Variants in SMYD3 observed in about 807,000 individuals in gnomAD.
The protein encoded by SMYD3 is histone-lysine N-methyltransferase SMYD3.
SMYD3 carries 36 observed loss-of-function variants against 57.7 expected under a neutral mutation model. The observed-to-expected ratio is 0.62, with a 90% confidence interval of 0.48 to 0.82. The LOEUF is 0.82. Ranked by LOEUF, SMYD3 falls within the 40% of genes least tolerant of loss-of-function variation. SMYD3 has a pLI of 0.00. For missense variants in SMYD3, 515 were observed against 538.8 expected, an observed-to-expected ratio of 0.96 and a Z score of 0.44; for synonymous variants, 211 against 195.0, an observed-to-expected ratio of 1.08 and a Z score of -0.68.
At chr1:246,243,421 TGAAGAA>T (rs2063650371) in intron 5 of SMYD3, among the ~76,000 whole-genome samples, 1 of 147,956 alleles carries the variant, frequency 6.8e-6, no homozygotes, top group Admixed American at 6.9e-5. Flanking sequence ...CCTTTCTATC[TGAAGAA>T]TTATAAGGCT....
At chr1:245,812,813 G>A (rs1354212862) in intron 10 of SMYD3, among the ~76,000 whole-genome samples, 2 of 151,780 alleles carry the variant, frequency 1.3e-5, no homozygotes, top group African/African-American at 4.8e-5. Flanking sequence ...TGGGAGGGAA[G>A]GCTTCATCAT....
intron 10 of SMYD3, among the ~76,000 whole-genome samples, chr1:245,838,082 C>A (rs207461391): frequency 6.6e-6 from 1 of 152,120 alleles, no homozygotes; most frequent in Admixed American, 6.5e-5. Flanking sequence ...GGCCATGAAA[C>A]AACATGAGAT....
At chr1:246,078,957 T>C (rs1181825297) in intron 5 of SMYD3, among the ~76,000 whole-genome samples, 1 of 152,148 alleles carries the variant, frequency 6.6e-6, no homozygotes, top group Non-Finnish European at 1.5e-5. Context: ...GAGGTTATAG[T>C]TTAGCAGAAG....
chr1:245,833,073 A>AAAAAAAAACAAAAAAAAACACAAC, intron 10 of SMYD3, among the ~76,000 whole-genome samples: 1 of 128,652 alleles, frequency 7.8e-6, no homozygotes, highest in African/African-American at 3.0e-5. Flanking sequence ...AAAAAAAAAA[A>AAAAAAAAACAAAAAAAAACACAAC]AACCTGCTTT....
At chr1:245,992,340 C>A (rs1261697740) in intron 5 of SMYD3, among the ~76,000 whole-genome samples, 1 of 152,272 alleles carries the variant, frequency 6.6e-6, no homozygotes, top group Non-Finnish European at 1.5e-5. Flanking sequence ...CACACACCAA[C>A]TGTGATGCAG....
rs200338008 is a variant in SMYD3, at chr1:246,018,768, CT to C, written c.532-88832del. The stretch of plus-strand genomic sequence containing the variant: ...CCACAGGTGTGCACCACCATGCTGG[CT>C]TTTTTTTTTTTTTCCTGTAGAGATG... On this transcript the variant is annotated intron_variant, in intron 5 of 11. Coordinates refer to ENST00000490107, the MANE Select transcript of SMYD3 (RefSeq NM_001167740.2). Among the ~76,000 whole-genome samples, 629 of 141,078 alleles carry C rather than the reference CT, an allele frequency of 4.5e-3. 4 individuals are homozygous for C. The highest frequency in any genetic ancestry group is 8.5e-3 in the African/African-American group (327 of 38,646). 92.6% of individuals were successfully genotyped at this position (141,078 alleles called of 152,430 possible).
chr1:246,177,930 G>A (rs2062461745), intron 5 of SMYD3, among the ~76,000 whole-genome samples: 1 of 152,144 alleles, frequency 6.6e-6, no homozygotes, highest in South Asian at 2.1e-4. Flanking sequence ...TTAGGGAGGT[G>A]CTACTCTCTT....
intron 5 of SMYD3, among the ~76,000 whole-genome samples, chr1:245,985,314 T>C (rs1034111081): frequency 1.3e-5 from 2 of 152,210 alleles, no homozygotes; most frequent in African/African-American, 4.8e-5. Context: ...TAGACTTCTC[T>C]TCTAAACTTC....
intron 10 of SMYD3, among the ~76,000 whole-genome samples, chr1:245,855,809 G>A (rs2051209916): frequency 6.6e-6 from 1 of 152,182 alleles, no homozygotes; most frequent in South Asian, 2.1e-4. Context: ...CTCCTCTAAG[G>A]TCAGCAATTA....
intron 5 of SMYD3, among the ~76,000 whole-genome samples, chr1:246,252,987 T>A (rs2063820316): frequency 6.6e-6 from 1 of 152,218 alleles, no homozygotes; most frequent in Non-Finnish European, 1.5e-5. Context: ...ATGGCAATAC[T>A]CAACCAAACA....
intron 5 of SMYD3, among the ~76,000 whole-genome samples, chr1:246,093,790 T>C (rs955936616): frequency 6.6e-6 from 1 of 152,160 alleles, no homozygotes; most frequent in Admixed American, 6.6e-5. Context: ...GAAATTCTAT[T>C]AGCAGAAGAT....
intron 10 of SMYD3, among the ~76,000 whole-genome samples, chr1:245,768,849 C>G (rs1199263037): frequency 6.6e-6 from 1 of 151,960 alleles, no homozygotes; most frequent in East Asian, 1.9e-4. Flanking sequence ...GCACCTTCAT[C>G]TTGGATTTCA....
At chr1:246,209,972 C>T (rs989835354) in intron 5 of SMYD3, among the ~76,000 whole-genome samples, 6 of 152,176 alleles carry the variant, frequency 3.9e-5, no homozygotes, top group Admixed American at 2.6e-4. Flanking sequence ...TATCTGGTAA[C>T]TCTGTCAAAT....
intron 5 of SMYD3, among the ~76,000 whole-genome samples, chr1:245,958,789 C>T (rs1237876717): frequency 6.6e-6 from 1 of 152,194 alleles, no homozygotes; most frequent in Admixed American, 6.5e-5. Flanking sequence ...AGAACTGGGA[C>T]AGAAATCAAA....
At chr1:246,017,150 C>T (rs185837526) in intron 5 of SMYD3, among the ~76,000 whole-genome samples, 9 of 152,226 alleles carry the variant, frequency 5.9e-5, no homozygotes, top group African/African-American at 1.7e-4. Context: ...GCACTGCCAC[C>T]ATTAATTTTT....
intron 1 of SMYD3, among the ~76,000 whole-genome samples, chr1:246,462,297 G>A (rs1272228595): frequency 6.8e-6 from 1 of 147,356 alleles, no homozygotes; most frequent in Non-Finnish European, 1.5e-5. Flanking sequence ...GCATCCTCTC[G>A]CGGGGCCTGC....
At position 245,858,659 on chromosome 1, in the gene SMYD3, C is replaced by A. The variant is rs1047652872; in HGVS notation, c.913G>T (p.Val305Phe). 6.2e-7 allele frequency: 1 copy of A among 1,613,714 alleles called. No individual in the cohort carries two copies. Among genetic ancestry groups the A allele is most frequent in the Non-Finnish European group, 8.5e-7 (1 of 1,179,892 alleles). The change falls in exon 10 of 12, where the codon GTT becomes TTT. Residue 305 changes from valine (V) to phenylalanine (F), a missense_variant. By Grantham distance (50) the Val-to-Phe change is conservative. Transcript: ENST00000490107. Reference protein sequence around the residue: ...ELKAHWKWEQVLAMCQAIISS... With the variant: ...ELKAHWKWEQFLAMCQAIISS... ...ATGATTGCCTGGCACATGGCCAGAA[C>A]CTGCTCCCACTCTGTTATTAACCTT...
intron 10 of SMYD3, among the ~76,000 whole-genome samples, chr1:245,793,535 T>A (rs530930023): frequency 6.6e-6 from 1 of 151,654 alleles, no homozygotes; most frequent in East Asian, 1.9e-4. Context: ...CACCCAGAGG[T>A]CCACATCTCA....
intron 5 of SMYD3, among the ~76,000 whole-genome samples, chr1:246,266,803 G>C (rs1382725320): frequency 1.5e-5 from 2 of 134,666 alleles, no homozygotes; most frequent in Admixed American, 7.7e-5. Context: ...GAGAAAGAGA[G>C]AGAGAGAAGA....
Sources: gnomAD v4.1 joint callset for allele counts (sites outside exome capture counted in the v4.1 genomes callset) on GRCh38, gnomAD v4.1.1 for gene constraint, MANE v1.5 for transcripts, NCBI Gene and HGNC (gene_info 2026-07-23, HGNC 2026-07-21) for gene names.